Variants in PLA2G2E observed in about 807,000 individuals in gnomAD.
PLA2G2E encodes the protein group IIE secretory phospholipase A2.
In PLA2G2E, 14 loss-of-function variants were observed where a neutral mutation model predicts 16.5. The ratio of observed to expected loss-of-function variants is 0.85; its 90% CI spans 0.56 to 1.33. The LOEUF is 1.33. Ranked by LOEUF, PLA2G2E falls within the 40% of genes most tolerant of loss-of-function variation. The pLI is 0.00. For missense variants in PLA2G2E, 174 were observed against 190.7 expected, an observed-to-expected ratio of 0.91 and a Z score of 0.52; for synonymous variants, 72 against 77.2, an observed-to-expected ratio of 0.93 and a Z score of 0.36.
At chr1:19,922,898 A>G in intron 1 of PLA2G2E, 143 bp from the exon 2 acceptor site, 17 of 835,878 alleles carry the variant, frequency 2.0e-5, no homozygotes, top group South Asian at 3.4e-5. Flanking sequence ...ACTCTCAACA[A>G]CAACCGTGGT....
Position 19,920,145 on chromosome 1 carries a change from T to C in PLA2G2E, c.*162A>G. The C allele has an allele frequency of 1.6e-6, 1 of 630,488 alleles. No individual in the cohort carries two copies. The allele number at this position is 630,488 out of a possible 1,614,324, so 39.1% of individuals were successfully genotyped here. Reference sequence around the variant, plus strand: ...ACAGAGAAGGGGTAGCCTGGGAGGCTAGTGATGGTCCAGGACATATCTCTG... The same window carrying C: ...ACAGAGAAGGGGTAGCCTGGGAGGCCAGTGATGGTCCAGGACATATCTCTG... On this transcript the variant is annotated 3_prime_UTR_variant, in exon 4 of 4. Transcript: ENST00000375116. This position sits in a 1 kb window ranked among gnomAD's most constrained non-coding sequence, Gnocchi z 4.3.
chr1:19,922,594 C>A (rs778045455), intron 2 of PLA2G2E, 23 bp downstream of exon 2: 1 of 1,612,954 alleles, frequency 6.2e-7, no homozygotes, highest in Non-Finnish European at 8.5e-7. Flanking sequence ...CCATGGAGGT[C>A]CCCCTGCAGG....
chr1:19,923,416 G>A (rs2045834631), intron 1 of PLA2G2E, 104 bp downstream of exon 1: 1 of 1,015,730 alleles, frequency 9.8e-7, no homozygotes, highest in Non-Finnish European at 1.4e-6. Context: ...AGCCTCCAGT[G>A]TTTGGCATCC....
intron 3 of PLA2G2E, 82 bp downstream of exon 3, chr1:19,922,216 A>G (rs1108974): frequency 0.13 from 123,219 of 949,396 alleles, 8,390 homozygotes; most frequent in Admixed American, 0.21. Flanking sequence ...CAAGGTCACC[A>G]TCAGGAGGGG....
chr1:19,920,194 G>T lies in PLA2G2E; in HGVS notation c.*113C>A. ...TGAGCTCTCAAGGAGGGATGAGTTTGCAGGAAAGGAATTTTCCAAAGGGAG... is the reference window on the plus strand; with the variant it reads ...TGAGCTCTCAAGGAGGGATGAGTTTTCAGGAAAGGAATTTTCCAAAGGGAG... On this transcript the variant is annotated 3_prime_UTR_variant, in exon 4 of 4. Transcript: ENST00000375116. The surrounding 1 kb of genome is among the most constrained non-coding windows in gnomAD (Gnocchi z 4.3). The T allele has an allele frequency of 1.2e-6, 1 of 866,716 alleles. No homozygotes were observed. Among genetic ancestry groups the T allele is most frequent in the Non-Finnish European group, 1.8e-6 (1 of 560,858 alleles). 53.7% of individuals were successfully genotyped at this position (866,716 alleles called of 1,614,324 possible).
Position 19,920,373 on chromosome 1 carries a change from G to C in PLA2G2E, c.363C>G (p.Gly121=). The part of the protein sequence containing the change: ...RAALCFRRNL[G]TYNRKYAHYP... The stretch of plus-strand genomic sequence containing the variant: ...AATGGGCATATTTGCGGTTGTAGGT[G>C]CCCAGGTTGCGGCGAAAGCAGAGGG... The change falls in exon 4 of 4, where the codon GGC becomes GGG. Residue 121 remains glycine, a synonymous_variant. Coordinates refer to ENST00000375116, the MANE Select transcript of PLA2G2E (RefSeq NM_014589.3). The surrounding 1 kb of genome is among the most constrained non-coding windows in gnomAD (Gnocchi z 4.3). 7.4e-6 allele frequency: 12 copies of C among 1,613,848 alleles called. No homozygotes were observed. The highest frequency in any genetic ancestry group is 1.0e-5 in the Non-Finnish European group (12 of 1,179,848).
chr1:19,921,181 C>A (rs12028511), intron 3 of PLA2G2E, among the ~76,000 whole-genome samples: 9,995 of 152,316 alleles, frequency 0.066, 418 homozygotes, highest in Middle Eastern at 0.13. Context: ...GCCTCATTTC[C>A]CCTCTTGAAG....
intron 2 of PLA2G2E, 70 bp from the exon 3 acceptor site, chr1:19,922,474 C>A: frequency 6.5e-7 from 1 of 1,537,752 alleles, no homozygotes; most frequent in Non-Finnish European, 8.9e-7. Context: ...CTGCTCGGGG[C>A]CCCCGAGCCC....
At chr1:19,922,017 C>G (rs1315292462) in intron 3 of PLA2G2E, among the ~76,000 whole-genome samples, 1 of 152,216 alleles carries the variant, frequency 6.6e-6, no homozygotes, top group Non-Finnish European at 1.5e-5. Flanking sequence ...GCTCAGACCC[C>G]TCTGCTCCTC....
rs1029071314 is a variant in PLA2G2E at position 19,923,566 on chromosome 1, T to C, written c.-7A>G. 12 of 1,549,238 alleles carry C rather than the reference T, an allele frequency of 7.7e-6. No homozygotes were observed. The highest frequency in any genetic ancestry group is 6.9e-5 in the African/African-American group (5 of 72,884). ...GCACGTGGGGAGATTTCATCCCAGG[T>C]TGGGGGGAAGGGAGGTGCACAAGGA... On this transcript the variant is annotated 5_prime_UTR_variant, in exon 1 of 4. Coordinates refer to ENST00000375116, the MANE Select transcript of PLA2G2E (RefSeq NM_014589.3).
chr1:19,921,317 T>G (rs1264727635), intron 3 of PLA2G2E, among the ~76,000 whole-genome samples: 1 of 152,222 alleles, frequency 6.6e-6, no homozygotes, highest in Non-Finnish European at 1.5e-5. Context: ...GGAGCTGGGC[T>G]GAGCTGGGGA....
chr1:19,922,783 G>GGGAGGGCCCCACC, intron 1 of PLA2G2E, 28 bp from the exon 2 acceptor site: 2 of 1,610,366 alleles, frequency 1.2e-6, no homozygotes, highest in Non-Finnish European at 1.7e-6. Context: ...GAGAGGGAGA[G>GGGAGGGCCCCACC]GGAGGGCCCC....
intron 1 of PLA2G2E, 21 bp from the exon 2 acceptor site, chr1:19,922,776 A>T: frequency 6.2e-7 from 1 of 1,611,028 alleles, no homozygotes; most frequent in Non-Finnish European, 8.5e-7. Flanking sequence ...GGAGAGGGAG[A>T]GGGAGAGGGA....
rs1012071770 is a variant in PLA2G2E at position 19,920,554 on chromosome 1, C to A, written c.287-105G>T. ...GTTCTTGACCTGGACCAACTCCATT[C>A]TGATGGAAGCCCAAGCTCCCGGGTT... is the stretch of plus-strand genomic sequence containing the variant. On this transcript the variant is annotated intron_variant, in intron 3 of 3. Coordinates refer to ENST00000375116, the MANE Select transcript of PLA2G2E (RefSeq NM_014589.3). This position sits in a 1 kb window ranked among gnomAD's most constrained non-coding sequence, Gnocchi z 4.3. 1 of 1,152,520 alleles carries A rather than the reference C, an allele frequency of 8.7e-7. No individual in the cohort carries two copies. Among genetic ancestry groups the A allele is most frequent in the Middle Eastern group, 2.3e-4 (1 of 4,402 alleles). The allele number at this position is 1,152,520 out of a possible 1,614,324, so 71.4% of individuals were successfully genotyped here. A position where few individuals can be genotyped will look rare whatever the true frequency, so the allele number is the denominator to read the frequency against.
In PLA2G2E at chr1:19,922,712, G is replaced by A. The variant is rs764270158; in HGVS notation, c.84C>T (p.Ile28=). The A allele has an allele frequency of 1.1e-5, 18 of 1,613,778 alleles. No homozygotes were observed. The highest frequency in any genetic ancestry group is 2.2e-5 in the East Asian group (1 of 44,874). The change falls in exon 2 of 4, where the codon ATC becomes ATT. Residue 28 remains isoleucine (I), a synonymous_variant. Transcript: ENST00000375116. ...TGNLVQFGVM[I]EKMTGKSALQ... is the part of the protein sequence containing the mutation. The stretch of plus-strand genomic sequence containing the variant: ...GGGCGGACTTGCCTGTCATCTTCTC[G>A]ATCATCACCCCAAACTGAACCAGGT...
intron 2 of PLA2G2E, 40 bp from the exon 3 acceptor site, chr1:19,922,444 A>G: frequency 6.3e-7 from 1 of 1,591,590 alleles, no homozygotes; most frequent in Non-Finnish European, 8.6e-7. Context: ...CCTGTGAGCC[A>G]GGCTGGGCTG....
chr1:19,922,792 C>CCA (rs2045827134), intron 1 of PLA2G2E, 37 bp from the exon 2 acceptor site: 2 of 1,506,568 alleles, frequency 1.3e-6, no homozygotes, highest in Non-Finnish European at 1.8e-6. Flanking sequence ...AGGGAGGGCC[C>CCA]CACCCTCTGC....
At chr1:19,922,785 G>GAGGGCCCC (rs1557688776) in intron 1 of PLA2G2E, 30 bp from the exon 2 acceptor site, 3 of 1,611,508 alleles carry the variant, frequency 1.9e-6, no homozygotes, top group South Asian at 2.2e-5. Flanking sequence ...GAGGGAGAGG[G>GAGGGCCCC]AGGGCCCCAC....
At position 19,920,544 on chromosome 1, in the gene PLA2G2E, C is replaced by A; in HGVS notation, c.287-95G>T. ...CTGGGTCCACGTTCTTGACCTGGACCAACTCCATTCTGATGGAAGCCCAAG... is the reference window on the plus strand; with the variant it reads ...CTGGGTCCACGTTCTTGACCTGGACAAACTCCATTCTGATGGAAGCCCAAG... On this transcript the variant is annotated intron_variant, in intron 3 of 3. Transcript: ENST00000375116. The surrounding 1 kb of genome is among the most constrained non-coding windows in gnomAD (Gnocchi z 4.3). 2 of 1,266,276 alleles carry A rather than the reference C, an allele frequency of 1.6e-6. No individual in the cohort carries two copies. The highest frequency in any genetic ancestry group is 2.2e-6 in the Non-Finnish European group (2 of 910,922). The allele number at this position is 1,266,276 out of a possible 1,614,324, so 78.4% of individuals were successfully genotyped here.
Sources: allele counts gnomAD v4.1 joint callset (sites outside exome capture counted in the v4.1 genomes callset), GRCh38; gene constraint gnomAD v4.1.1; non-coding constraint Gnocchi (gnomAD v3.1); transcripts MANE v1.5; gene names NCBI Gene and HGNC (gene_info 2026-07-23, HGNC 2026-07-21).